The following AVEN variants were observed in gnomAD, a reference collection of about 807,000 sequenced individuals.
AVEN encodes the protein cell death regulator Aven.
AVEN carries 41 observed loss-of-function variants against 38.1 expected under a neutral mutation model. The ratio of observed to expected loss-of-function variants is 1.08; its 90% confidence interval spans 0.84 to 1.40. AVEN has a LOEUF of 1.40. Ranked by LOEUF, AVEN falls within the 40% of genes most tolerant of loss-of-function variation. AVEN has a pLI of 0.00. For synonymous variants in AVEN, 206 were observed against 171.8 expected (o/e 1.20, Z -1.56); for missense variants, 605 against 438.8 (o/e 1.38, Z -3.38).
intron 1 of AVEN, among the ~76,000 whole-genome samples, chr15:34,008,734 C>T (rs940253856): frequency 3.9e-5 from 6 of 151,918 alleles, no homozygotes; most frequent in African/African-American, 1.5e-4. Context: ...GTGATCTGCC[C>T]GCTTCAGCCT....
intron 4 of AVEN, chr15:34,065,190 C>G (rs1400892453): frequency 6.5e-6 from 1 of 153,300 alleles, no homozygotes; most frequent in Non-Finnish European, 1.5e-5. Context: ...TATTTATGCT[C>G]TGTTCTTAGG....
chr15:33,906,809 A>G (rs549200955), intron 2 of AVEN, among the ~76,000 whole-genome samples: 1 of 152,336 alleles, frequency 6.6e-6, no homozygotes, highest in East Asian at 1.9e-4. Context: ...GATATGGATG[A>G]TGATGATGAT....
chr15:33,861,850 C>G (rs1366317272), downstream of AVEN, among the ~76,000 whole-genome samples: 1 of 152,134 alleles, frequency 6.6e-6, no homozygotes, highest in African/African-American at 2.4e-5. Flanking sequence ...GTCTTGAACT[C>G]CTGACCTCAG....
chr15:33,919,187 C>G (rs1214753088), intron 2 of AVEN, among the ~76,000 whole-genome samples: 1 of 152,078 alleles, frequency 6.6e-6, no homozygotes, highest in Non-Finnish European at 1.5e-5. Context: ...TCCCAAATTG[C>G]TGAGATTACA....
intron 2 of AVEN, 52 bp downstream of exon 2, chr15:34,002,980 T>C (rs1597336392): frequency 7.0e-7 from 1 of 1,436,082 alleles, no homozygotes; most frequent in East Asian, 2.3e-5. Flanking sequence ...ATATAAAATG[T>C]CTGTGCAACT....
At chr15:33,861,252 C>A (rs896391387), downstream of AVEN, 3 of 1,112,220 alleles carry the variant, frequency 2.7e-6, no homozygotes, top group East Asian at 8.1e-5. Context: ...ATAGTTCAGT[C>A]TCTGCTGGAA....
At chr15:33,896,505 AG>A (rs1242805128) in intron 2 of AVEN, among the ~76,000 whole-genome samples, 1 of 152,140 alleles carries the variant, frequency 6.6e-6, no homozygotes, top group African/African-American at 2.4e-5. Context: ...TTGTCCATCC[AG>A]TGGTGTCCAG....
In AVEN at chr15:33,868,491, G is replaced by A. The variant is rs571917009; in HGVS notation, c.613-636C>T. On this transcript the variant is annotated intron_variant, in intron 4 of 5. Transcript: ENST00000306730. ...ACCTGGGAGGCGGAGCTTGCAGTAA[G>A]CTGAGATTGTACCACTGCACTCGAG... Among the ~76,000 whole-genome samples, 26 of 142,052 alleles carry A rather than the reference G, an allele frequency of 1.8e-4. No homozygotes were observed. In the South Asian group the frequency reaches 5.3e-3, roughly 29 times the overall value. 93.2% of individuals were successfully genotyped at this position (142,052 alleles called of 152,430 possible). A position where few individuals can be genotyped will look rare whatever the true frequency, so the allele number is the denominator to read the frequency against.
intron 2 of AVEN, among the ~76,000 whole-genome samples, chr15:33,901,711 AC>A (rs1357591434): frequency 6.6e-6 from 1 of 152,200 alleles, no homozygotes; most frequent in Non-Finnish European, 1.5e-5. Flanking sequence ...ATCCTAATGA[AC>A]ATGAGGTGGT....
Position 33,870,946 on chromosome 15 carries a change from C to T in AVEN, c.601G>A (p.Glu201Lys), listed in dbSNP as rs202088512. The change falls in exon 4 of 6, where the codon GAA becomes AAA. Residue 201 changes from glutamate (E) to lysine (K), a missense_variant. Glu to Lys is a moderately conservative substitution (Grantham distance 56, BLOSUM62 1). Transcript: ENST00000306730. ...PLCLRLNVAA[E>K]LVQGTVPLEV... ...TTCGGGATTTTTACCTGGACCAGTT[C>T]GGCAGCAACGTTGAGTCGGAGGCAG... is the stretch of plus-strand genomic sequence containing the variant. The T allele has an allele frequency of 4.1e-4, 663 of 1,610,770 alleles. No homozygotes were observed. Among genetic ancestry groups the T allele is most frequent in the Non-Finnish European group, 5.5e-4 (648 of 1,178,070 alleles).
chr15:33,961,544 T>G (rs147186806), intron 2 of AVEN, among the ~76,000 whole-genome samples: 19,087 of 151,460 alleles, frequency 0.13, 1,535 homozygotes, highest in South Asian at 0.29. Flanking sequence ...CTGGGTGAGG[T>G]GGCTCATGCC....
intron 2 of AVEN, among the ~76,000 whole-genome samples, chr15:33,932,670 C>G (rs967788380): frequency 7.9e-5 from 12 of 151,868 alleles, no homozygotes; most frequent in Non-Finnish European, 1.2e-4. Context: ...ACTAAAAATA[C>G]AAAAATTAGC....
chr15:33,941,873 A>C (rs1193995276), intron 2 of AVEN, among the ~76,000 whole-genome samples: 3 of 152,336 alleles, frequency 2.0e-5, no homozygotes, highest in Admixed American at 6.5e-5. Flanking sequence ...TACACACTTC[A>C]GCTTTCCAGT....
In AVEN at chr15:33,859,394, C is replaced by G. The variant is rs141165514; in HGVS notation, n.2730-300G>C. Among the ~76,000 whole-genome samples the G allele has an allele frequency of 1.2e-4, 18 of 152,304 alleles. No individual in the cohort carries two copies. The East Asian group carries it at 3.3e-3, about 28-fold the overall frequency. ...ACAGTCTTTCCATCTTTGTAGATAT[C>G]AAACTGTCCAGAGGGTGCAGTGGAC... On this transcript the variant is annotated intron_variant and non_coding_transcript_variant, in intron 11 of 11. Transcript: ENST00000675287.
intron 1 of AVEN, among the ~76,000 whole-genome samples, chr15:34,016,266 C>T (rs1037349471): frequency 5.3e-5 from 8 of 152,112 alleles, no homozygotes; most frequent in African/African-American, 1.9e-4. Flanking sequence ...AACCGGAAAG[C>T]AACTTATCTC....
In AVEN at chr15:33,957,304, G is replaced by A. The variant is rs77189023; in HGVS notation, c.445+45728C>T. Among the ~76,000 whole-genome samples, 1,463 of 152,248 alleles carry A rather than the reference G, an allele frequency of 9.6e-3. 21 individuals carry two copies. The highest frequency in any genetic ancestry group is 0.033 in the African/African-American group (1,385 of 41,552). On this transcript the variant is annotated intron_variant, in intron 2 of 5. Coordinates refer to ENST00000306730, the MANE Select transcript of AVEN (RefSeq NM_020371.3). ...AAGGGTAACACTGCCAAGCTTCCTTGTCCATTAGAGACCTTTCTTCTTTGA... is the reference window on the plus strand; with the variant it reads ...AAGGGTAACACTGCCAAGCTTCCTTATCCATTAGAGACCTTTCTTCTTTGA...
At chr15:33,864,562 T>C (rs553719106), downstream of AVEN, among the ~76,000 whole-genome samples, 1 of 151,128 alleles carries the variant, frequency 6.6e-6, no homozygotes, top group Non-Finnish European at 1.5e-5. Context: ...AACGACCTCA[T>C]GTGTGGGTGA....
chr15:34,064,506 A>T (rs1026320248), intron 4 of AVEN: 6 of 684,620 alleles, frequency 8.8e-6, no homozygotes, highest in African/African-American at 1.8e-5. Context: ...TGACATATTA[A>T]ATGACTCTTG....
chr15:34,063,323 C>T lies in AVEN; in HGVS notation n.1236G>A, dbSNP rs746811749. 40 of 1,614,058 alleles carry T rather than the reference C, an allele frequency of 2.5e-5. No individual in the cohort carries two copies. The highest frequency in any genetic ancestry group is 4.5e-5 in the East Asian group (2 of 44,894). ...CTTTTGGCACTGCCATTGCTGCCTTCTACATCCCTGTTTCTGTCATGACCA... is the reference window on the plus strand; with the variant it reads ...CTTTTGGCACTGCCATTGCTGCCTTTTACATCCCTGTTTCTGTCATGACCA... On this transcript the variant is annotated non_coding_transcript_exon_variant, in exon 5 of 12. Coordinates refer to the AVEN transcript ENST00000675287. This position sits in a 1 kb window ranked among gnomAD's most constrained non-coding sequence, Gnocchi z 4.1.
Sources: allele counts gnomAD v4.1 joint callset (sites outside exome capture counted in the v4.1 genomes callset), GRCh38; gene constraint gnomAD v4.1.1; non-coding constraint Gnocchi (gnomAD v3.1); transcripts MANE v1.5; gene names NCBI Gene and HGNC (gene_info 2026-07-23, HGNC 2026-07-21).